The following KCNAB1 variants were observed in gnomAD, a reference collection of about 807,000 sequenced individuals.
The protein encoded by KCNAB1 is potassium voltage-gated channel subfamily A regulatory beta subunit 1.
In KCNAB1, 35 loss-of-function variants were observed where a neutral mutation model predicts 64.6. The ratio of observed to expected loss-of-function variants is 0.54; its 90% confidence interval spans 0.41 to 0.72. KCNAB1 has a LOEUF of 0.72. Among genes scored for constraint, KCNAB1 ranks in the 30% least tolerant of loss-of-function variants. The pLI is 0.00. For missense variants in KCNAB1, 401 were observed against 512.9 expected (o/e 0.78, Z 2.11); for synonymous variants, 177 against 183.8 (o/e 0.96, Z 0.30).
At chr3:156,476,717 A>G (rs538116921) in intron 8 of KCNAB1, among the ~76,000 whole-genome samples, 25 of 152,144 alleles carry the variant, frequency 1.6e-4, no homozygotes, top group Non-Finnish European at 2.6e-4. Flanking sequence ...AGGAATATTC[A>G]CACTGTTTTC....
At chr3:156,169,716 T>C (rs1242688691) in intron 1 of KCNAB1, among the ~76,000 whole-genome samples, 2 of 152,180 alleles carry the variant, frequency 1.3e-5, no homozygotes, top group Non-Finnish European at 2.9e-5. Flanking sequence ...AGTTTGAAAG[T>C]ATGTGGTGCT....
intron 1 of KCNAB1, among the ~76,000 whole-genome samples, chr3:156,320,625 C>A (rs1363796036): frequency 1.3e-5 from 2 of 152,122 alleles, no homozygotes; most frequent in African/African-American, 4.8e-5. Flanking sequence ...GAAAGACTGG[C>A]ATGGTGGGAG....
intron 1 of KCNAB1, among the ~76,000 whole-genome samples, chr3:156,410,369 T>G (rs1714565115): frequency 8.8e-6 from 1 of 114,156 alleles, no homozygotes; most frequent in Non-Finnish European, 2.2e-5. Context: ...TCCAAAATTA[T>G]TTGTCAGGTC....
At chr3:156,346,645 G>T (rs187625235) in intron 1 of KCNAB1, among the ~76,000 whole-genome samples, 95 of 152,210 alleles carry the variant, frequency 6.2e-4, no homozygotes, top group Middle Eastern at 6.8e-3. Context: ...TAAGCTTCAG[G>T]TTGCTGTGAG....
intron 1 of KCNAB1, among the ~76,000 whole-genome samples, chr3:156,209,653 A>G (rs1424472103): frequency 6.6e-6 from 1 of 152,262 alleles, no homozygotes; most frequent in Non-Finnish European, 1.5e-5. Context: ...TGTGAACAGA[A>G]CACAAGATGT....
chr3:156,408,854 A>ACC (rs1205493986), intron 1 of KCNAB1, among the ~76,000 whole-genome samples: 1 of 152,170 alleles, frequency 6.6e-6, no homozygotes, highest in Non-Finnish European at 1.5e-5. Context: ...GTTTATGTTC[A>ACC]CCCATTAAGT....
intron 1 of KCNAB1, among the ~76,000 whole-genome samples, chr3:156,270,674 T>C (rs1375224571): frequency 6.6e-6 from 1 of 152,220 alleles, no homozygotes; most frequent in Non-Finnish European, 1.5e-5. Context: ...GTAGTTATTA[T>C]TTTTAACCAT....
chr3:156,374,462 A>T lies in KCNAB1; in HGVS notation c.276-47154A>T, dbSNP rs147085921. 1.0e-4 allele frequency among the ~76,000 whole-genome samples: 9 copies of T among 88,372 alleles called. No homozygotes were observed. In the East Asian group the frequency reaches 1.9e-3, roughly 19 times the overall value. 58.0% of individuals were successfully genotyped at this position (88,372 alleles called of 152,430 possible). A position where few individuals can be genotyped will look rare whatever the true frequency, so the allele number is the denominator to read the frequency against. ...TTGGGAAGCTTGATTTGTTCATGGG[A>T]GTTTGCACATACAAAGTGTTTATTT... On this transcript the variant is annotated intron_variant, in intron 1 of 13. Transcript: ENST00000490337.
chr3:156,246,859 G>T (rs1717487007), intron 1 of KCNAB1, among the ~76,000 whole-genome samples: 3 of 152,220 alleles, frequency 2.0e-5, no homozygotes, highest in Admixed American at 2.0e-4. Context: ...TATAAACAAG[G>T]GATAACAGGA....
At chr3:156,465,461 A>G (rs768291702) in intron 6 of KCNAB1, among the ~76,000 whole-genome samples, 182 bp from the exon 7 acceptor site, 1 of 152,168 alleles carries the variant, frequency 6.6e-6, no homozygotes, top group Non-Finnish European at 1.5e-5. Flanking sequence ...TGATTCATCT[A>G]CTGAGATCTC....
intron 1 of KCNAB1, among the ~76,000 whole-genome samples, chr3:156,158,229 A>G (rs1715873677): frequency 6.6e-6 from 1 of 150,558 alleles, no homozygotes. Context: ...TAAATGGGCC[A>G]AAAATGTAAT....
intron 1 of KCNAB1, among the ~76,000 whole-genome samples, chr3:156,403,194 G>A (rs1714022713): frequency 6.6e-6 from 1 of 152,206 alleles, no homozygotes. Flanking sequence ...AAAATGGTGT[G>A]AGGAAGTAGG....
intron 1 of KCNAB1, among the ~76,000 whole-genome samples, chr3:156,125,472 AG>A (rs1713601456): frequency 6.6e-6 from 1 of 152,246 alleles, no homozygotes; most frequent in South Asian, 2.1e-4. Flanking sequence ...GAATACAATG[AG>A]CTTTTACATA....
chr3:156,142,917 C>A, intron 1 of KCNAB1: 1 of 1,031,026 alleles, frequency 9.7e-7, no homozygotes, highest in Non-Finnish European at 1.2e-6. Flanking sequence ...ACTCTGAGTA[C>A]TTTAAAGGGA....
intron 1 of KCNAB1, among the ~76,000 whole-genome samples, chr3:156,356,444 G>T (rs73873329): frequency 0.12 from 18,476 of 151,808 alleles, 2,992 homozygotes; most frequent in African/African-American, 0.38. Flanking sequence ...CTCTACGGGG[G>T]CAGGGATCAT....
At position 156,221,786 on chromosome 3, in the gene KCNAB1, CA is replaced by C. The variant is rs1353557370; in HGVS notation, c.275+100909del. 5.6e-4 allele frequency among the ~76,000 whole-genome samples: 83 copies of C among 147,852 alleles called. 1 individual carries two copies. Among genetic ancestry groups the C allele is most frequent in the South Asian group, 3.5e-3 (16 of 4,626 alleles). ...AGAGCAAAACTCCATCCCCCCCCGC[CA>C]AAAAAAAAGTTTTGTGTCCAGCAAA... On this transcript the variant is annotated intron_variant, in intron 1 of 13. Transcript: ENST00000490337.
At chr3:156,191,894 G>A (rs1449885818) in intron 1 of KCNAB1, among the ~76,000 whole-genome samples, 1 of 152,150 alleles carries the variant, frequency 6.6e-6, no homozygotes, top group Non-Finnish European at 1.5e-5. Context: ...AATTTGATGT[G>A]AAGGAAAAGG....
chr3:156,484,155 T>A (rs910987962), intron 8 of KCNAB1, among the ~76,000 whole-genome samples: 8 of 152,052 alleles, frequency 5.3e-5, no homozygotes, highest in Admixed American at 2.6e-4. Flanking sequence ...CTCCCCCACC[T>A]TTTTTTTCTT....
rs534711851 is a variant in KCNAB1 at position 156,509,652 on chromosome 3, TGG to T, written c.659-4711_659-4710del. 9.3e-4 allele frequency among the ~76,000 whole-genome samples: 141 copies of T among 152,340 alleles called. 1 individual carries two copies. Among genetic ancestry groups the T allele is most frequent in the African/African-American group, 3.3e-3 (136 of 41,592 alleles). On this transcript the variant is annotated intron_variant, in intron 8 of 13. Coordinates refer to ENST00000490337, the MANE Select transcript of KCNAB1 (RefSeq NM_172160.3). Reference sequence around the variant, plus strand: ...TGAGAACCACTGGGATTAAGGCTTCTGGAAAACTAGGGAAGGAGCCCAGACCA... The same window carrying T: ...TGAGAACCACTGGGATTAAGGCTTCTAAAACTAGGGAAGGAGCCCAGACCA...
Sources: allele counts gnomAD v4.1 joint callset (sites outside exome capture counted in the v4.1 genomes callset), GRCh38; gene constraint gnomAD v4.1.1; transcripts MANE v1.5; gene names NCBI Gene and HGNC (gene_info 2026-07-23, HGNC 2026-07-21).